Variants in MERTK observed in about 807,000 individuals in gnomAD.
MERTK encodes the protein MER proto-oncogene, tyrosine kinase.
In MERTK, 69 loss-of-function variants were observed where a neutral mutation model predicts 99.3. The ratio of observed to expected loss-of-function variants is 0.70; its 90% confidence interval spans 0.57 to 0.85. The LOEUF is 0.85. MERTK is among the 40% of genes least tolerant of loss of function. The pLI is 0.00. For synonymous variants in MERTK, 426 were observed against 467.6 expected, an observed-to-expected ratio of 0.91 and a Z score of 1.15; for missense variants, 1,125 against 1,249.4, an observed-to-expected ratio of 0.90 and a Z score of 1.50.
chr2:111,974,817 A>G (rs915159965), intron 6 of MERTK, among the ~76,000 whole-genome samples: 1 of 96,126 alleles, frequency 1.0e-5, no homozygotes, highest in Non-Finnish European at 3.0e-5. Flanking sequence ...GAAAAGAAAA[A>G]GAAAGCAAGA....
chr2:111,988,373 G>T (rs1676531274), intron 8 of MERTK, among the ~76,000 whole-genome samples: 1 of 152,172 alleles, frequency 6.6e-6, no homozygotes, highest in Non-Finnish European at 1.5e-5. Flanking sequence ...ATTTTGCCTG[G>T]AGGAGAAACT....
chr2:111,919,122 T>C (rs932252281), intron 1 of MERTK, among the ~76,000 whole-genome samples: 1 of 152,168 alleles, frequency 6.6e-6, no homozygotes, highest in Non-Finnish European at 1.5e-5. Flanking sequence ...CCTCTGACTT[T>C]AGGGTTCTTG....
chr2:111,924,308 C>T (rs759495891), intron 1 of MERTK, among the ~76,000 whole-genome samples: 10 of 152,240 alleles, frequency 6.6e-5, no homozygotes, highest in Non-Finnish European at 1.3e-4. Flanking sequence ...CCCACTTTCC[C>T]TGTGAGCAAA....
intron 1 of MERTK, among the ~76,000 whole-genome samples, chr2:111,925,292 A>ATATATATATATATATATATTT (rs372747015): frequency 1.6e-4 from 4 of 24,496 alleles, no homozygotes; most frequent in Non-Finnish European, 2.2e-4. Context: ...ATATATATAT[A>ATATATATATATATATATATTT]TTTTTTTTTT....
chr2:112,016,324 A>G (rs1436486858), intron 15 of MERTK, among the ~76,000 whole-genome samples: 1 of 152,226 alleles, frequency 6.6e-6, no homozygotes, highest in Non-Finnish European at 1.5e-5. Context: ...ATGATGGAAA[A>G]TAACTTTCAA....
In MERTK at chr2:112,009,971, C is replaced by G. The variant is rs56209758; in HGVS notation, c.1984C>G (p.Gln662Glu). The change falls in exon 15 of 19, where the codon CAA becomes GAA. Residue 662 changes from glutamine to glutamate, a missense_variant. Physicochemically the swap from Gln to Glu is conservative, Grantham distance 29. Coordinates refer to ENST00000295408, the MANE Select transcript of MERTK (RefSeq NM_006343.3). Reference protein sequence around the residue: ...LLGVCIEMSSQGIPKPMVILP... With the variant: ...LLGVCIEMSSEGIPKPMVILP... ...AGGTGTGTGTATAGAAATGAGCTCT[C>G]AAGGCATCCCAAAGCCCATGGTAAT... 1,869 of 1,613,288 alleles carry G rather than the reference C, an allele frequency of 1.2e-3. 29 individuals carry two copies. In the African/African-American group the frequency reaches 0.022, roughly 19 times the overall value.
intron 2 of MERTK, among the ~76,000 whole-genome samples, chr2:111,933,084 A>G (rs771415740): frequency 2.6e-5 from 4 of 152,222 alleles, no homozygotes; most frequent in Non-Finnish European, 4.4e-5. Flanking sequence ...TGCTCTGTCA[A>G]TAGTTACTTA....
At chr2:112,005,154 ACCTCCTGGGTTCAGGTGAT>A (rs1281947274) in intron 13 of MERTK, among the ~76,000 whole-genome samples, 1 of 151,668 alleles carries the variant, frequency 6.6e-6, no homozygotes, top group Non-Finnish European at 1.5e-5. Context: ...TGCAGCCTGC[ACCTCCTGGGTTCAGGTGAT>A]TCTCCCGCCT....
At chr2:111,958,063 G>A (rs1041277150) in intron 4 of MERTK, among the ~76,000 whole-genome samples, 4 of 152,172 alleles carry the variant, frequency 2.6e-5, no homozygotes, top group African/African-American at 9.7e-5. Flanking sequence ...CAAGAGGGGC[G>A]TGAACCATCA....
chr2:112,003,378 T>C, intron 12 of MERTK, 191 bp downstream of exon 12: 1 of 491,366 alleles, frequency 2.0e-6, no homozygotes, highest in East Asian at 3.7e-5. Flanking sequence ...ATGAAAAGAT[T>C]CTCTTCAATG....
At chr2:111,904,899 C>T (rs540706115) in intron 1 of MERTK, among the ~76,000 whole-genome samples, 6 of 152,252 alleles carry the variant, frequency 3.9e-5, no homozygotes, top group South Asian at 2.1e-4. Flanking sequence ...CTCAGGTGCC[C>T]GGGAGGGAGC....
chr2:111,925,292 ATTTTTTTTT>A (rs11433691), intron 1 of MERTK, among the ~76,000 whole-genome samples: 7 of 24,490 alleles, frequency 2.9e-4, no homozygotes, highest in Non-Finnish European at 3.6e-4. Context: ...ATATATATAT[ATTTTTTTTT>A]TTTTTTTTTT....
chr2:111,951,202 C>A (rs1430884795), intron 4 of MERTK, among the ~76,000 whole-genome samples: 1 of 151,312 alleles, frequency 6.6e-6, no homozygotes, highest in Admixed American at 6.6e-5. Flanking sequence ...TAAGATCTAC[C>A]CTCTTAGCAA....
At chr2:111,978,822 C>T (rs1039709383) in intron 7 of MERTK, among the ~76,000 whole-genome samples, 1 of 152,118 alleles carries the variant, frequency 6.6e-6, no homozygotes, top group Non-Finnish European at 1.5e-5. Context: ...AAATAGTGAG[C>T]TTTGTTTTGA....
intron 2 of MERTK, chr2:111,940,246 G>A (rs985302204): frequency 3.3e-6 from 1 of 303,288 alleles, no homozygotes; most frequent in Non-Finnish European, 6.7e-6. Context: ...AAGTATACAT[G>A]GTTCCCAATT....
At chr2:111,966,720 G>T (rs1251182939) in intron 5 of MERTK, among the ~76,000 whole-genome samples, 2 of 152,106 alleles carry the variant, frequency 1.3e-5, no homozygotes, top group Non-Finnish European at 2.9e-5. Context: ...TCAAATTTTG[G>T]TCTGGAAAGG....
intron 4 of MERTK, among the ~76,000 whole-genome samples, chr2:111,954,334 C>G (rs1428118641): frequency 6.6e-6 from 1 of 152,202 alleles, no homozygotes; most frequent in African/African-American, 2.4e-5. Flanking sequence ...GATCACGGCT[C>G]TCCTCTGAAA....
chr2:112,022,295 G>A lies in MERTK; in HGVS notation c.2387G>A (p.Arg796Gln), dbSNP rs767721402. 42 of 1,614,074 alleles carry A rather than the reference G, an allele frequency of 2.6e-5. No homozygotes were observed. Among genetic ancestry groups the A allele is most frequent in the Admixed American group, 3.3e-5 (2 of 60,006 alleles). ...GTGACCATGTGGGAAATAGCTACGC[G>A]GGGAATGACTCCCTATCCTGGGGTC... ...FGVTMWEIAT[R>Q]GMTPYPGVQN... The change falls in exon 18 of 19, where the codon CGG (arginine) becomes CAG (glutamine). Residue 796 changes from arginine (R) to glutamine (Q), a missense_variant. By Grantham distance (43) the Arg-to-Gln change is conservative. Coordinates refer to ENST00000295408, the MANE Select transcript of MERTK (RefSeq NM_006343.3).
chr2:112,012,302 C>T (rs1271410578), intron 15 of MERTK, among the ~76,000 whole-genome samples: 1 of 93,020 alleles, frequency 1.1e-5, no homozygotes, highest in Non-Finnish European at 2.4e-5. Flanking sequence ...CATTCACTTC[C>T]CCCCCACCCC....
Sources: gnomAD v4.1 joint callset for allele counts (sites outside exome capture counted in the v4.1 genomes callset) on GRCh38, gnomAD v4.1.1 for gene constraint, MANE v1.5 for transcripts, NCBI Gene and HGNC (gene_info 2026-07-23, HGNC 2026-07-21) for gene names.